The following RANBP2 variants were observed in gnomAD, a reference collection of about 807,000 sequenced individuals.
RANBP2 encodes the protein RAN binding protein 2.
RANBP2 carries 57 observed loss-of-function variants against 303.6 expected under a neutral mutation model. The observed-to-expected ratio is 0.19, with a 90% CI of 0.15 to 0.23. The LOEUF (loss-of-function observed/expected upper bound fraction) is 0.23, where lower values mean the gene tolerates loss of function less well. Among genes scored for constraint, RANBP2 ranks in the 10% least tolerant of loss-of-function variants. RANBP2 has a pLI of 1.00. For missense variants in RANBP2, 3,138 were observed against 3,780.8 expected (o/e 0.83, Z 4.46); for synonymous variants, 1,167 against 1,301.5 (o/e 0.90, Z 2.23).
chr2:108,937,705 G>T, the RANBP2 span, among the ~76,000 whole-genome samples: 1 of 149,418 alleles, frequency 6.7e-6, no homozygotes, highest in Non-Finnish European at 1.5e-5. Flanking sequence ...GTGTGTGAGT[G>T]TATGTGTGTG....
At chr2:109,362,204 A>T in the RANBP2 span, among the ~76,000 whole-genome samples, 1 of 152,186 alleles carries the variant, frequency 6.6e-6, no homozygotes, top group Non-Finnish European at 1.5e-5. Flanking sequence ...ATTCAGTGCT[A>T]TAAATTTCCC....
chr2:109,646,133 G>A, the RANBP2 span, among the ~76,000 whole-genome samples: 1 of 152,142 alleles, frequency 6.6e-6, no homozygotes, highest in Non-Finnish European at 1.5e-5. Context: ...CCTAGGCTAT[G>A]TTCTGTTAGT....
At chr2:109,259,107 C>T in the RANBP2 span, among the ~76,000 whole-genome samples, 1 of 152,272 alleles carries the variant, frequency 6.6e-6, no homozygotes, top group Non-Finnish European at 1.5e-5. Flanking sequence ...CACATACCTA[C>T]TGCCAGATCA....
At chr2:109,350,613 A>G in the RANBP2 span, among the ~76,000 whole-genome samples, 1 of 152,178 alleles carries the variant, frequency 6.6e-6, no homozygotes, top group South Asian at 2.1e-4. Context: ...TAAAGGCTCC[A>G]AGAGACATGG....
the RANBP2 span, among the ~76,000 whole-genome samples, chr2:109,245,138 G>A: frequency 3.4e-4 from 52 of 152,116 alleles, no homozygotes; most frequent in East Asian, 5.8e-4. Flanking sequence ...ACCATCTCAC[G>A]GGAAGCTCCC....
the RANBP2 span, among the ~76,000 whole-genome samples, chr2:109,162,301 A>G: frequency 2.6e-4 from 39 of 152,238 alleles, no homozygotes; most frequent in African/African-American, 9.2e-4. Context: ...GCGCTGGTGT[A>G]AATACAGCTA....
chr2:108,878,834 A>C, the RANBP2 span, among the ~76,000 whole-genome samples: 1 of 152,156 alleles, frequency 6.6e-6, no homozygotes, highest in Non-Finnish European at 1.5e-5. Flanking sequence ...TTGAAGTGTT[A>C]ATTTCACTAT....
the RANBP2 span, chr2:109,618,518 TGAG>T: frequency 1.2e-5 from 2 of 167,080 alleles, no homozygotes; most frequent in African/African-American, 4.8e-5. Flanking sequence ...AACCCATTCC[TGAG>T]GAGAACTACT....
At chr2:108,867,545 T>C in the RANBP2 span, among the ~76,000 whole-genome samples, 1 of 152,140 alleles carries the variant, frequency 6.6e-6, no homozygotes, top group Admixed American at 6.5e-5. Context: ...CCCAAGCCTT[T>C]GGCAAGTTCC....
chr2:108,967,470 C>T, the RANBP2 span, among the ~76,000 whole-genome samples: 1 of 152,098 alleles, frequency 6.6e-6, no homozygotes, highest in Non-Finnish European at 1.5e-5. Flanking sequence ...CTTTAAAGTT[C>T]GTGTTTACGG....
the RANBP2 span, among the ~76,000 whole-genome samples, chr2:109,440,090 T>C: frequency 6.6e-6 from 1 of 152,258 alleles, no homozygotes; most frequent in Non-Finnish European, 1.5e-5. Flanking sequence ...AGCAATGGCC[T>C]GGCAATGAGG....
the RANBP2 span, among the ~76,000 whole-genome samples, chr2:109,558,884 T>C: frequency 4.0e-5 from 6 of 149,582 alleles, no homozygotes; most frequent in Non-Finnish European, 8.9e-5. Context: ...AGAAAACAGA[T>C]ATAAATTCTT....
At chr2:108,736,420 G>T (rs1420450754) in intron 6 of RANBP2, among the ~76,000 whole-genome samples, 171 bp downstream of exon 6, 1 of 152,120 alleles carries the variant, frequency 6.6e-6, no homozygotes, top group Non-Finnish European at 1.5e-5. Flanking sequence ...CTTTTACGGG[G>T]AAGTTCTAAT....
At chr2:109,556,139 G>A in the RANBP2 span, among the ~76,000 whole-genome samples, 11 of 152,192 alleles carry the variant, frequency 7.2e-5, no homozygotes, top group Admixed American at 4.6e-4. Context: ...ATAACCAGCA[G>A]AGAAAGGACT....
At chr2:109,200,690 G>A in the RANBP2 span, among the ~76,000 whole-genome samples, 1 of 152,148 alleles carries the variant, frequency 6.6e-6, no homozygotes, top group Admixed American at 6.5e-5. Context: ...TGGTGTCCCT[G>A]CACTCCGGTT....
intron 25 of RANBP2, among the ~76,000 whole-genome samples, chr2:108,779,827 G>A (rs186669968): frequency 1.3e-5 from 2 of 152,304 alleles, no homozygotes; most frequent in East Asian, 3.9e-4. Context: ...GTTGAAGTCA[G>A]TGAGATTCTC....
chr2:109,274,957 T>C, the RANBP2 span, among the ~76,000 whole-genome samples: 1 of 152,114 alleles, frequency 6.6e-6, no homozygotes, highest in Non-Finnish European at 1.5e-5. Context: ...TTTAAAATGG[T>C]TAATTTCCTG....
At chr2:109,453,020 G>A in the RANBP2 span, among the ~76,000 whole-genome samples, 3 of 152,110 alleles carry the variant, frequency 2.0e-5, no homozygotes, top group South Asian at 4.2e-4. Context: ...ACTGGTCCCC[G>A]GGAGGCTGGT....
chr2:109,494,179 A>G, the RANBP2 span, among the ~76,000 whole-genome samples: 1 of 152,230 alleles, frequency 6.6e-6, no homozygotes, highest in Non-Finnish European at 1.5e-5. Flanking sequence ...AAGTATTGAA[A>G]GACCCTGTTT....
Sources: allele counts gnomAD v4.1 joint callset (sites outside exome capture counted in the v4.1 genomes callset), GRCh38; gene constraint gnomAD v4.1.1; transcripts MANE v1.5; gene names NCBI Gene and HGNC (gene_info 2026-07-23, HGNC 2026-07-21).